POU6F2: variants seen among roughly 807,000 people sequenced by gnomAD.
The protein encoded by POU6F2 is POU domain, class 6, transcription factor 2.
In POU6F2, 31 loss-of-function variants were observed where a neutral mutation model predicts 71.3. The ratio of observed to expected loss-of-function variants is 0.43; its 90% confidence interval spans 0.33 to 0.59. The LOEUF is 0.59. Among genes scored for constraint, POU6F2 ranks in the 20% least tolerant of loss-of-function variants. POU6F2 has a pLI of 0.04. For synonymous variants in POU6F2, 347 were observed against 355.7 expected, an observed-to-expected ratio of 0.98 and a Z score of 0.27; for missense variants, 783 against 856.8, an observed-to-expected ratio of 0.91 and a Z score of 1.07.
At chr7:39,045,208 C>T (rs1482630758) in intron 1 of POU6F2, among the ~76,000 whole-genome samples, 1 of 151,966 alleles carries the variant, frequency 6.6e-6, no homozygotes, top group Non-Finnish European at 1.5e-5. Flanking sequence ...CATCCCGTAC[C>T]TATAGCTCGA....
chr7:39,127,099 AT>A (rs1321595487), intron 2 of POU6F2, among the ~76,000 whole-genome samples: 1 of 152,252 alleles, frequency 6.6e-6, no homozygotes, highest in Non-Finnish European at 1.5e-5. Context: ...AAATGTATTC[AT>A]TAGATAAAAA....
chr7:39,448,120 T>C (rs1788567660), intron 7 of POU6F2, among the ~76,000 whole-genome samples: 1 of 152,248 alleles, frequency 6.6e-6, no homozygotes, highest in Admixed American at 6.5e-5. Context: ...TTTCATAGTT[T>C]ACCTGAAAGA....
intron 1 of POU6F2, among the ~76,000 whole-genome samples, chr7:39,050,074 T>G (rs1304451930): frequency 6.6e-6 from 1 of 152,066 alleles, no homozygotes; most frequent in Non-Finnish European, 1.5e-5. Flanking sequence ...ACCAATATTG[T>G]TTTAAAAATG....
chr7:39,190,631 C>CTTTTTTTTTTTTTTTTTTTTTTTTT (rs58654872), intron 2 of POU6F2, among the ~76,000 whole-genome samples: 1 of 74,202 alleles, frequency 1.3e-5, no homozygotes, highest in Non-Finnish European at 2.3e-5. Context: ...GAGTCAACTT[C>CTTTTTTTTTTTTTTTTTTTTTTTTT]TTTTTTTTTT....
chr7:39,109,554 A>C (rs1791762041), intron 2 of POU6F2, among the ~76,000 whole-genome samples: 1 of 152,052 alleles, frequency 6.6e-6, no homozygotes. Flanking sequence ...CTTGATGGAG[A>C]TTTTAGCTTA....
chr7:39,167,817 C>A (rs2128738278), intron 2 of POU6F2, among the ~76,000 whole-genome samples: 1 of 151,752 alleles, frequency 6.6e-6, no homozygotes, highest in Non-Finnish European at 1.5e-5. Flanking sequence ...ACCAATTCTT[C>A]ATTGTCTTCA....
intron 4 of POU6F2, among the ~76,000 whole-genome samples, chr7:39,210,884 C>T (rs1296952598): frequency 6.6e-6 from 1 of 152,150 alleles, no homozygotes; most frequent in African/African-American, 2.4e-5. Flanking sequence ...TCTGTTTGGG[C>T]TGCTATAACA....
chr7:39,008,154 G>C (rs1397905962), intron 1 of POU6F2, among the ~76,000 whole-genome samples: 3 of 144,330 alleles, frequency 2.1e-5, no homozygotes, highest in East Asian at 4.1e-4. Context: ...CAGTGTAAAA[G>C]TGTTCCTATT....
chr7:39,189,486 C>A (rs1793616124), intron 2 of POU6F2, among the ~76,000 whole-genome samples: 1 of 152,136 alleles, frequency 6.6e-6, no homozygotes, highest in Non-Finnish European at 1.5e-5. Flanking sequence ...GCAACCTCAG[C>A]CTCCCAGGTT....
At chr7:39,178,942 G>A (rs1350701158) in intron 2 of POU6F2, among the ~76,000 whole-genome samples, 2 of 152,242 alleles carry the variant, frequency 1.3e-5, no homozygotes, top group Admixed American at 1.3e-4. Flanking sequence ...GTTTTATTAG[G>A]TGAATAAAAG....
intron 2 of POU6F2, among the ~76,000 whole-genome samples, chr7:39,093,775 T>C (rs1364031665): frequency 6.6e-6 from 1 of 152,104 alleles, no homozygotes; most frequent in Non-Finnish European, 1.5e-5. Flanking sequence ...CCTTACCACT[T>C]CCATACTTTA....
At position 39,339,383 on chromosome 7, in the gene POU6F2, G is replaced by A. The variant is rs2074937; in HGVS notation, c.599-259G>A. ...ATCTCCATTCCTACCACACACCTTTGGCTTGCATTGTTCACCACCTTTTAA... is the reference window on the plus strand; with the variant it reads ...ATCTCCATTCCTACCACACACCTTTAGCTTGCATTGTTCACCACCTTTTAA... On this transcript the variant is annotated intron_variant, in intron 4 of 9. Coordinates refer to ENST00000518318, the MANE Select transcript of POU6F2 (RefSeq NM_001370959.1). Among the ~76,000 whole-genome samples, 16,871 of 152,168 alleles carry A rather than the reference G, an allele frequency of 0.11. 1,173 individuals are homozygous for A. The highest frequency in any genetic ancestry group is 0.15 in the Non-Finnish European group (10,475 of 67,988).
At chr7:39,115,660 C>G (rs960212915) in intron 2 of POU6F2, among the ~76,000 whole-genome samples, 2 of 152,136 alleles carry the variant, frequency 1.3e-5, no homozygotes, top group African/African-American at 4.8e-5. Flanking sequence ...TAACTTGGGC[C>G]AGTGTGTTGG....
chr7:39,288,158 C>T, intron 4 of POU6F2, among the ~76,000 whole-genome samples: 1 of 152,206 alleles, frequency 6.6e-6, no homozygotes, highest in East Asian at 1.9e-4. Context: ...AATCTTCTTT[C>T]AATTATAATC....
chr7:38,986,434 G>A (rs913132058), intron 1 of POU6F2, among the ~76,000 whole-genome samples: 8 of 152,002 alleles, frequency 5.3e-5, no homozygotes, highest in African/African-American at 1.9e-4. Context: ...AAAACAGGGG[G>A]GCTCTTTGGT....
chr7:39,139,160 C>A lies in POU6F2; in HGVS notation c.277+53129C>A, dbSNP rs1001128629. On this transcript the variant is annotated intron_variant, in intron 2 of 9. Coordinates refer to ENST00000518318, the MANE Select transcript of POU6F2 (RefSeq NM_001370959.1). Reference sequence around the variant, plus strand: ...AGCCACTTCTGTTAAGTAAGCTATCCCATCTTACTGATCCCTAGCAGTTGC... The same window carrying A: ...AGCCACTTCTGTTAAGTAAGCTATCACATCTTACTGATCCCTAGCAGTTGC... Among the ~76,000 whole-genome samples, 4 of 152,172 alleles carry A rather than the reference C, an allele frequency of 2.6e-5. No homozygotes were observed. In the East Asian group the frequency reaches 7.7e-4, roughly 29 times the overall value.
chr7:39,015,743 ATT>A (rs1789480965), intron 1 of POU6F2, among the ~76,000 whole-genome samples: 1 of 48,774 alleles, frequency 2.1e-5, no homozygotes, highest in Non-Finnish European at 3.8e-5. Context: ...ATAGATATAT[ATT>A]ATATATTATA....
chr7:39,207,591 T>G lies in POU6F2; in HGVS notation c.569T>G (p.Ile190Ser). 1 of 1,613,942 alleles carries G rather than the reference T, an allele frequency of 6.2e-7. No homozygotes were observed. The highest frequency in any genetic ancestry group is 8.5e-7 in the Non-Finnish European group (1 of 1,179,840). The change falls in exon 4 of 10, where the codon ATT becomes AGT. Residue 190 changes from isoleucine (I) to serine (S), a missense_variant. Transcript: ENST00000518318. Reference protein sequence around the residue: ...GLVAAAAAGGIMTLPLQNLQA... With the variant: ...GLVAAAAAGGSMTLPLQNLQA... ...GTGGCAGCAGCTGCAGCCGGAGGCATTATGACTCTGCCACTGCAAAATCTA... is the reference window on the plus strand; with the variant it reads ...GTGGCAGCAGCTGCAGCCGGAGGCAGTATGACTCTGCCACTGCAAAATCTA...
intron 1 of POU6F2, among the ~76,000 whole-genome samples, chr7:39,078,621 A>AT (rs1375686524): frequency 1.3e-5 from 2 of 152,204 alleles, no homozygotes; most frequent in Non-Finnish European, 2.9e-5. Flanking sequence ...ATGAATATCA[A>AT]TTAAGGCAAC....
Sources: gnomAD v4.1 joint callset for allele counts (sites outside exome capture counted in the v4.1 genomes callset) on GRCh38, gnomAD v4.1.1 for gene constraint, MANE v1.5 for transcripts, NCBI Gene and HGNC (gene_info 2026-07-23, HGNC 2026-07-21) for gene names.